The following ATRNL1 variants were observed in gnomAD, a reference collection of about 807,000 sequenced individuals.
The protein encoded by ATRNL1 is attractin-like protein 1.
In ATRNL1, 95 loss-of-function variants were observed where a neutral mutation model predicts 182.7. The observed-to-expected ratio is 0.52, with a 90% CI of 0.44 to 0.62. ATRNL1 has a LOEUF of 0.62. Among genes scored for constraint, ATRNL1 ranks in the 20% least tolerant of loss-of-function variants. The pLI is 0.00. For missense variants in ATRNL1, 1,471 were observed against 1,679.5 expected (o/e 0.88, Z 2.17); for synonymous variants, 576 against 568.3 (o/e 1.01, Z -0.19).
At chr10:115,159,122 T>C (rs1236414119) in intron 5 of ATRNL1, among the ~76,000 whole-genome samples, 1 of 151,664 alleles carries the variant, frequency 6.6e-6, no homozygotes, top group Non-Finnish European at 1.5e-5. Flanking sequence ...AACAATATTA[T>C]CATATTCAGT....
chr10:115,563,139 A>G (rs1853856448), intron 26 of ATRNL1, among the ~76,000 whole-genome samples: 1 of 152,158 alleles, frequency 6.6e-6, no homozygotes, highest in Admixed American at 6.5e-5. Flanking sequence ...CAGGCTGTAC[A>G]AGAAGCATGG....
intron 24 of ATRNL1, among the ~76,000 whole-genome samples, chr10:115,483,303 T>C (rs1554974547): frequency 1.3e-5 from 2 of 151,530 alleles, no homozygotes; most frequent in East Asian, 3.9e-4. Context: ...TCTCAAACTT[T>C]CACGCTGGGA....
chr10:115,093,876 G>A lies in ATRNL1; in HGVS notation c.126G>A (p.Trp42Ter). Reference protein sequence around the residue: ...ASSWLLDGNSWLLCYGFLYLA... With the variant: ...ASSWLLDGNS ...CCTGGCTGCTGGACGGGAACAGCTG[G>A]CTGCTGTGCTATGGCTTCCTCTACC... Residue 42 changes from tryptophan (W) to a stop codon, truncating the protein, a stop_gained, in exon 1 of 29, where the codon TGG becomes TGA. Transcript: ENST00000355044. LOFTEE classifies it high-confidence loss of function. This position sits in a 1 kb window ranked among gnomAD's most constrained non-coding sequence, Gnocchi z 6.1. The A allele has an allele frequency of 6.3e-7, 1 of 1,584,976 alleles. No homozygotes were observed. The highest frequency in any genetic ancestry group is 1.4e-5 in the African/African-American group (1 of 72,394).
intron 25 of ATRNL1, among the ~76,000 whole-genome samples, chr10:115,540,756 TAAAAA>T (rs34811826): frequency 1.3e-5 from 1 of 77,592 alleles, no homozygotes; most frequent in African/African-American, 4.3e-5. Flanking sequence ...AAACTCCGTC[TAAAAA>T]AAAAAAAAAA....
intron 27 of ATRNL1, among the ~76,000 whole-genome samples, chr10:115,815,551 A>T (rs7897671): frequency 8.8e-4 from 134 of 152,144 alleles, no homozygotes; most frequent in African/African-American, 2.6e-3. Flanking sequence ...CAAACATCCA[A>T]AAACACTAAC....
chr10:115,907,424 A>G (rs1310595555), intron 28 of ATRNL1, among the ~76,000 whole-genome samples: 4 of 152,234 alleles, frequency 2.6e-5, no homozygotes, highest in African/African-American at 9.6e-5. Context: ...TTATCCATCA[A>G]GCACTATGAG....
chr10:115,637,561 TA>T (rs1858955924), intron 26 of ATRNL1, among the ~76,000 whole-genome samples: 1 of 150,340 alleles, frequency 6.7e-6, no homozygotes, highest in Non-Finnish European at 1.5e-5. Context: ...ACAAAGCTTA[TA>T]AAGTAAAATA....
intron 24 of ATRNL1, among the ~76,000 whole-genome samples, chr10:115,497,087 G>C (rs150110544): frequency 6.6e-6 from 1 of 151,852 alleles, no homozygotes; most frequent in East Asian, 1.9e-4. Flanking sequence ...TTTTTTTTCT[G>C]ATTGAGTTTG....
At chr10:115,574,596 A>G (rs1278894165) in intron 26 of ATRNL1, among the ~76,000 whole-genome samples, 2 of 152,170 alleles carry the variant, frequency 1.3e-5, no homozygotes, top group Admixed American at 6.5e-5. Context: ...ATTCCTTGCT[A>G]AATGTGTTAC....
At chr10:115,857,128 TAAC>T (rs1951207444) in intron 28 of ATRNL1, among the ~76,000 whole-genome samples, 1 of 152,180 alleles carries the variant, frequency 6.6e-6, no homozygotes, top group Non-Finnish European at 1.5e-5. Context: ...ATTTTCTTAA[TAAC>T]ATTTTCCTTT....
intron 25 of ATRNL1, among the ~76,000 whole-genome samples, chr10:115,527,928 CTCCTTCCTTCTCCT>C (rs1320953303): frequency 1.9e-5 from 2 of 107,006 alleles, no homozygotes; most frequent in African/African-American, 6.8e-5. Context: ...CCCTTCCTCC[CTCCTTCCTTCTCCT>C]TCCTTCCTTC....
rs145442313 is a variant in ATRNL1, at chr10:115,890,610, C to T, written c.4018+42619C>T. 3.5e-4 allele frequency among the ~76,000 whole-genome samples: 54 copies of T among 152,172 alleles called. No homozygotes were observed. In the Middle Eastern group the frequency reaches 0.01, roughly 29 times the overall value. On this transcript the variant is annotated intron_variant, in intron 28 of 28. Transcript: ENST00000355044. ...AACGGGAAAAGATTATTTAGAGAAA[C>T]GTACACTTTCTATTTCCTTTAATAG...
At chr10:115,388,765 T>G (rs183004080) in intron 19 of ATRNL1, among the ~76,000 whole-genome samples, 1 of 152,212 alleles carries the variant, frequency 6.6e-6, no homozygotes, top group Admixed American at 6.5e-5. Context: ...AGATTTGTAA[T>G]TTTGTTCCAT....
intron 25 of ATRNL1, among the ~76,000 whole-genome samples, chr10:115,536,150 A>C (rs1851981513): frequency 6.6e-6 from 1 of 152,076 alleles, no homozygotes; most frequent in South Asian, 2.1e-4. Flanking sequence ...GCTGTCAGAC[A>C]GGGACATTTA....
chr10:115,264,531 A>T (rs1053244753), intron 10 of ATRNL1, among the ~76,000 whole-genome samples: 61 of 151,730 alleles, frequency 4.0e-4, no homozygotes, highest in African/African-American at 1.4e-3. Context: ...TTTAAATCTC[A>T]AATTTACGTT....
intron 24 of ATRNL1, among the ~76,000 whole-genome samples, chr10:115,482,654 T>TA (rs1193624579): frequency 6.6e-6 from 1 of 151,086 alleles, no homozygotes; most frequent in Non-Finnish European, 1.5e-5. Flanking sequence ...AAAACACATA[T>TA]AAAAATAGAA....
chr10:115,241,437 G>A (rs1024751903), intron 9 of ATRNL1, 134 bp from the exon 10 acceptor site: 2 of 487,228 alleles, frequency 4.1e-6, no homozygotes, highest in Non-Finnish European at 3.4e-6. Flanking sequence ...TTTATAAATT[G>A]TTAAAAAATA....
intron 19 of ATRNL1, among the ~76,000 whole-genome samples, chr10:115,369,704 G>A (rs781788471): frequency 2.0e-5 from 3 of 152,032 alleles, no homozygotes; most frequent in Non-Finnish European, 2.9e-5. Flanking sequence ...ATGTACAAAG[G>A]TTCCCTTTTT....
intron 28 of ATRNL1, among the ~76,000 whole-genome samples, chr10:115,889,750 A>C (rs933193649): frequency 1.3e-5 from 2 of 152,206 alleles, no homozygotes; most frequent in East Asian, 1.9e-4. Flanking sequence ...TTTATTAAAC[A>C]TCCGAATATT....
Sources: allele counts gnomAD v4.1 joint callset (sites outside exome capture counted in the v4.1 genomes callset), GRCh38; gene constraint gnomAD v4.1.1; non-coding constraint Gnocchi (gnomAD v3.1); transcripts MANE v1.5; gene names NCBI Gene and HGNC (gene_info 2026-07-23, HGNC 2026-07-21).